TCF4: variants seen among roughly 807,000 people sequenced by gnomAD.
The protein encoded by TCF4 is transcription factor 4.
Under a neutral mutation model 82.1 loss-of-function variants are expected in TCF4, and 3 were observed. The ratio of observed to expected loss-of-function variants is 0.04; its 90% CI spans 0.02 to 0.09. The LOEUF (loss-of-function observed/expected upper bound fraction) is 0.09, where lower values mean the gene tolerates loss of function less well. TCF4 is among the 10% of genes least tolerant of loss of function. The probability of loss-of-function intolerance (pLI) is 1.00; values close to 1 mark genes in which losing one functional copy is unlikely to be tolerated. For synonymous variants in TCF4, 276 were observed against 309.6 expected (o/e 0.89, Z 1.14); for missense variants, 518 against 852.7 (o/e 0.61, Z 4.89).
At chr18:55,491,890 G>A (rs539431365) in intron 3 of TCF4, among the ~76,000 whole-genome samples, 1 of 152,274 alleles carries the variant, frequency 6.6e-6, no homozygotes, top group East Asian at 1.9e-4. Context: ...AGTAGACAGA[G>A]AAAATGAGCA....
At position 55,635,724 on chromosome 18, in the gene TCF4, GCT is replaced by G; in HGVS notation, c.172_173del (p.Ser58LeufsTer12). 1.3e-6 allele frequency: 2 copies of G among 1,550,192 alleles called. No homozygotes were observed. The highest frequency in any genetic ancestry group is 1.7e-6 in the Non-Finnish European group (2 of 1,146,888). On this transcript the variant is annotated frameshift_variant, in exon 1 of 21. Transcript: ENST00000398339. LOFTEE classifies it high-confidence loss of function. ...CTACCTCCAAGGGCCTCCTGGAGAA[GCT>G]CGAGTAGCAGTTCTCAACCCAAGTG...
rs542542946 is a variant in TCF4 at position 55,460,789 on chromosome 18, A to T, written c.304+230T>A. ...TAAGGAAAACAAAATTTCCACATAGATTCAGTATCACTAAAAGCATTTCAT... is the reference window on the plus strand; with the variant it reads ...TAAGGAAAACAAAATTTCCACATAGTTTCAGTATCACTAAAAGCATTTCAT... On this transcript the variant is annotated intron_variant, in intron 5 of 19. Transcript: ENST00000354452. 2.6e-5 allele frequency among the ~76,000 whole-genome samples: 4 copies of T among 152,324 alleles called. No individual in the cohort carries two copies. In the South Asian group the frequency reaches 8.3e-4, roughly 32 times the overall value.
At chr18:55,254,809 T>G (rs2056375754) in intron 14 of TCF4, 109 bp from the exon 15 acceptor site, 1 of 992,492 alleles carries the variant, frequency 1.0e-6, no homozygotes, top group African/African-American at 1.6e-5. Context: ...TAAATACATG[T>G]TTCCAATAAA....
At position 55,398,827 on chromosome 18, in the gene TCF4, G is replaced by A. The variant is rs1331318142; in HGVS notation, c.369+4627C>T. ...CAGACATGGTCCCTGCCCTCCAGGA[G>A]TTTACAGAATCCTGTGGAAATCAGC... On this transcript the variant is annotated intron_variant, in intron 6 of 19. Transcript: ENST00000354452. Among the ~76,000 whole-genome samples the A allele has an allele frequency of 4.6e-5, 7 of 152,198 alleles. 1 individual carries two copies. Among genetic ancestry groups the A allele is most frequent in the African/African-American group, 1.7e-4 (7 of 41,442 alleles).
intron 3 of TCF4, among the ~76,000 whole-genome samples, chr18:55,537,594 C>T (rs2097128269): frequency 6.6e-6 from 1 of 151,902 alleles, no homozygotes; most frequent in Admixed American, 6.6e-5. Flanking sequence ...CAGTCTCAAA[C>T]AAAATAATAA....
intron 3 of TCF4, 76 bp downstream of exon 3, chr18:55,585,204 A>G: frequency 7.1e-7 from 1 of 1,405,670 alleles, no homozygotes; most frequent in Non-Finnish European, 1.0e-6. Context: ...ACTCTTCAAC[A>G]GAGCCAAAAA....
chr18:55,272,511 G>C (rs2060596930), intron 10 of TCF4, among the ~76,000 whole-genome samples: 1 of 152,032 alleles, frequency 6.6e-6, no homozygotes, highest in Non-Finnish European at 1.5e-5. Flanking sequence ...TGATGCCCAA[G>C]AGTCCTGTAT....
At chr18:55,455,091 G>A (rs1172730126) in intron 5 of TCF4, among the ~76,000 whole-genome samples, 3 of 150,338 alleles carry the variant, frequency 2.0e-5, no homozygotes, top group Non-Finnish European at 4.4e-5. Context: ...GCAGGCTAAG[G>A]TGGGAGGCTC....
chr18:55,612,665 A>G (rs1388319771), intron 2 of TCF4, among the ~76,000 whole-genome samples: 1 of 152,050 alleles, frequency 6.6e-6, no homozygotes, highest in Non-Finnish European at 1.5e-5. Context: ...GTTTCGATAC[A>G]AGAATATATA....
At chr18:55,388,992 G>A (rs567422710) in intron 6 of TCF4, among the ~76,000 whole-genome samples, 1 of 151,982 alleles carries the variant, frequency 6.6e-6, no homozygotes, top group Admixed American at 6.6e-5. Flanking sequence ...CGGGCATGGT[G>A]GTGGGCGCCT....
At chr18:55,342,253 T>C (rs2080147076) in intron 8 of TCF4, among the ~76,000 whole-genome samples, 1 of 152,296 alleles carries the variant, frequency 6.6e-6, no homozygotes, top group African/African-American at 2.4e-5. Flanking sequence ...AATTTTGTAA[T>C]CCCAACTGTA....
intron 5 of TCF4, among the ~76,000 whole-genome samples, chr18:55,457,964 A>G (rs2095798347): frequency 6.6e-6 from 1 of 152,242 alleles, no homozygotes; most frequent in Admixed American, 6.5e-5. Flanking sequence ...AACAAAATAC[A>G]TAATTAATGA....
intron 8 of TCF4, among the ~76,000 whole-genome samples, chr18:55,334,645 G>C (rs1260377417): frequency 1.3e-5 from 2 of 152,070 alleles, no homozygotes; most frequent in Non-Finnish European, 2.9e-5. Context: ...AATAAAATAA[G>C]TGATACCAGT....
chr18:55,284,623 CT>C (rs1281371960), intron 8 of TCF4, among the ~76,000 whole-genome samples: 5 of 152,158 alleles, frequency 3.3e-5, no homozygotes, highest in African/African-American at 1.2e-4. Flanking sequence ...TTACTACCCC[CT>C]GGTGATTCTG....
chr18:55,394,871 G>A (rs1338283200), intron 6 of TCF4, among the ~76,000 whole-genome samples: 1 of 152,200 alleles, frequency 6.6e-6, no homozygotes, highest in Non-Finnish European at 1.5e-5. Flanking sequence ...ATTTTTCAAA[G>A]AATGGGGTGC....
chr18:55,311,059 G>A (rs1022479006), intron 8 of TCF4, among the ~76,000 whole-genome samples: 11 of 151,864 alleles, frequency 7.2e-5, no homozygotes, highest in African/African-American at 2.2e-4. Flanking sequence ...AAAATCTCAC[G>A]TTTTCATGGT....
intron 5 of TCF4, among the ~76,000 whole-genome samples, chr18:55,421,550 C>T (rs1337987708): frequency 6.6e-6 from 1 of 152,164 alleles, no homozygotes; most frequent in Non-Finnish European, 1.5e-5. Context: ...ATCTTAGGAA[C>T]TCCCAGAAGT....
chr18:55,387,062 T>C (rs1037368038), intron 6 of TCF4, among the ~76,000 whole-genome samples: 22 of 152,250 alleles, frequency 1.4e-4, no homozygotes, highest in African/African-American at 4.3e-4. Context: ...GCCTGGGCTA[T>C]AGAGTATTAG....
intron 13 of TCF4, among the ~76,000 whole-genome samples, chr18:55,257,972 TA>T (rs761190430): frequency 1.3e-5 from 2 of 152,030 alleles, no homozygotes; most frequent in African/African-American, 4.8e-5. Context: ...AACTTGAAGG[TA>T]AAAAAAGATT....
Sources: allele counts gnomAD v4.1 joint callset (sites outside exome capture counted in the v4.1 genomes callset), GRCh38; gene constraint gnomAD v4.1.1; transcripts MANE v1.5; gene names NCBI Gene and HGNC (gene_info 2026-07-23, HGNC 2026-07-21).